Variants in CAMTA1 observed in about 807,000 individuals in gnomAD.
The protein encoded by CAMTA1 is calmodulin-binding transcription activator 1.
CAMTA1 carries 27 observed loss-of-function variants against 170.9 expected under a neutral mutation model. The observed-to-expected ratio is 0.16, with a 90% CI of 0.12 to 0.22. The LOEUF is 0.22. Among genes scored for constraint, CAMTA1 ranks in the 10% least tolerant of loss-of-function variants. The probability of loss-of-function intolerance (pLI) is 1.00; values close to 1 mark genes in which losing one functional copy is unlikely to be tolerated. For missense variants in CAMTA1, 1,619 were observed against 2,217.2 expected (o/e 0.73, Z 5.42); for synonymous variants, 833 against 891.5 (o/e 0.93, Z 1.17).
intron 4 of CAMTA1, among the ~76,000 whole-genome samples, chr1:7,167,455 A>G (rs1368650289): frequency 6.6e-6 from 1 of 152,002 alleles, no homozygotes; most frequent in African/African-American, 2.4e-5. Flanking sequence ...CAGTTTGTCT[A>G]TTCTTGTCTC....
intron 7 of CAMTA1, among the ~76,000 whole-genome samples, chr1:7,649,332 C>G (rs942809259): frequency 1.3e-5 from 2 of 152,222 alleles, no homozygotes; most frequent in African/African-American, 4.8e-5. Context: ...TCTGCGGGGC[C>G]TGGGAGTCAT....
intron 6 of CAMTA1, among the ~76,000 whole-genome samples, chr1:7,527,521 G>T (rs4908649): frequency 0.11 from 16,287 of 152,290 alleles, 1,394 homozygotes; most frequent in Admixed American, 0.24. Context: ...GCTGAGACCA[G>T]AGGCAAGAGT....
In CAMTA1 at chr1:7,570,108, T is replaced by A. The variant is rs1417647791; in HGVS notation, c.511-70292T>A. 6.6e-6 allele frequency among the ~76,000 whole-genome samples: 1 copy of A among 152,252 alleles called. No individual in the cohort carries two copies. Among genetic ancestry groups the A allele is most frequent in the African/African-American group, 2.4e-5 (1 of 41,470 alleles). The stretch of plus-strand genomic sequence containing the variant: ...AGGCCTTGGGGCCGTCTTGCTTAAT[T>A]CTACCGAGACCTTGGGTGGGAGATC... On this transcript the variant is annotated intron_variant, in intron 6 of 22. Transcript: ENST00000303635. The surrounding 1 kb of genome is among the most constrained non-coding windows in gnomAD (Gnocchi z 4.3).
At chr1:7,250,383 C>T (rs1019169832) in intron 5 of CAMTA1, among the ~76,000 whole-genome samples, 1 of 152,210 alleles carries the variant, frequency 6.6e-6, no homozygotes, top group Admixed American at 6.5e-5. Context: ...GCATCCACTT[C>T]CCTGCGTTCC....
At position 7,092,421 on chromosome 1, in the gene CAMTA1, G is replaced by A. The variant is rs372809000; in HGVS notation, c.302+1050G>A. Among the ~76,000 whole-genome samples, 14 of 152,272 alleles carry A rather than the reference G, an allele frequency of 9.2e-5. No homozygotes were observed. In the East Asian group the frequency reaches 2.3e-3, roughly 25 times the overall value. Reference sequence around the variant, plus strand: ...TTAAAATACCACATTATTAGGCTGAGATATTTACTGGTTAGCATCTTTTAG... The same window carrying A: ...TTAAAATACCACATTATTAGGCTGAAATATTTACTGGTTAGCATCTTTTAG... On this transcript the variant is annotated intron_variant, in intron 4 of 22. Coordinates refer to ENST00000303635, the MANE Select transcript of CAMTA1 (RefSeq NM_015215.4). This position sits in a 1 kb window ranked among gnomAD's most constrained non-coding sequence, Gnocchi z 5.0.
chr1:6,835,712 A>G (rs1652758523), intron 3 of CAMTA1, among the ~76,000 whole-genome samples: 1 of 152,188 alleles, frequency 6.6e-6, no homozygotes. Context: ...CATACCACTC[A>G]TGCATGTTTT....
intron 3 of CAMTA1, among the ~76,000 whole-genome samples, chr1:6,935,374 C>T (rs1486015448): frequency 6.6e-6 from 1 of 152,070 alleles, no homozygotes; most frequent in Non-Finnish European, 1.5e-5. Context: ...AGATTTATTA[C>T]CCTGGCACCT....
At chr1:6,928,204 T>C (rs1441594635) in intron 3 of CAMTA1, among the ~76,000 whole-genome samples, 2 of 152,230 alleles carry the variant, frequency 1.3e-5, no homozygotes, top group East Asian at 1.9e-4. Flanking sequence ...CTTTCAAGTC[T>C]GTGGCCACGC....
At chr1:7,497,961 G>C (rs1220925751) in intron 6 of CAMTA1, among the ~76,000 whole-genome samples, 1 of 152,192 alleles carries the variant, frequency 6.6e-6, no homozygotes, top group East Asian at 1.9e-4. Flanking sequence ...CTTGTCTGCT[G>C]GGCCTCACTC....
At chr1:6,852,959 C>G (rs1294366151) in intron 3 of CAMTA1, 4 of 123,602 alleles carry the variant, frequency 3.2e-5, no homozygotes. Flanking sequence ...ATCATAAACT[C>G]AGGTATGTCT....
In CAMTA1 at chr1:7,663,535, G is replaced by T; in HGVS notation, c.988G>T (p.Val330Leu). Residue 330 changes from valine to leucine, a missense_variant, in exon 9 of 23, where the codon GTG becomes TTG. Val to Leu is a conservative substitution (Grantham distance 32). Transcript: ENST00000303635. ...CAGCCGTGAGAAGAGGAACGGCAAG[G>T]TGGCCAAGCCCGTGCTCCTGCACCA... ...GSSREKRNGK[V>L]AKPVLLHQSS... 1.2e-6 allele frequency: 2 copies of T among 1,604,194 alleles called. No homozygotes were observed. The highest frequency in any genetic ancestry group is 1.7e-6 in the Non-Finnish European group (2 of 1,171,950).
Position 7,404,956 on chromosome 1 carries a change from G to GT in CAMTA1, c.439-62866dup, listed in dbSNP as rs546426290. Among the ~76,000 whole-genome samples the GT allele has an allele frequency of 3.6e-4, 55 of 151,756 alleles. No homozygotes were observed. The East Asian group carries it at 7.6e-3, about 21-fold the overall frequency. On this transcript the variant is annotated intron_variant, in intron 5 of 22. Coordinates refer to ENST00000303635, the MANE Select transcript of CAMTA1 (RefSeq NM_015215.4). The stretch of plus-strand genomic sequence containing the variant: ...TGTTTGTTTGTTTTTTCTGTTTTTT[G>GT]TTTTTTTTAGTATAACAATGACTTA...
In CAMTA1 at chr1:7,327,707, T is replaced by C. The variant is rs150049977; in HGVS notation, c.438+78081T>C. Among the ~76,000 whole-genome samples, 3 of 152,314 alleles carry C rather than the reference T, an allele frequency of 2.0e-5. No homozygotes were observed. In the East Asian group the frequency reaches 5.8e-4, roughly 29 times the overall value. ...ACAGCTCATGCATGGGAGGAGGGAC[T>C]GTTTATGTTTTCTCTCCATTCCACC... On this transcript the variant is annotated intron_variant, in intron 5 of 22. Transcript: ENST00000303635.
intron 6 of CAMTA1, among the ~76,000 whole-genome samples, chr1:7,563,693 T>C (rs1169872781): frequency 6.6e-6 from 1 of 152,238 alleles, no homozygotes; most frequent in Non-Finnish European, 1.5e-5. Context: ...CACAGCATTC[T>C]GGGACCACAC....
chr1:7,002,759 C>G (rs1698420231), intron 3 of CAMTA1, among the ~76,000 whole-genome samples: 1 of 152,182 alleles, frequency 6.6e-6, no homozygotes, highest in African/African-American at 2.4e-5. Context: ...CCTTTGCTGG[C>G]TGCCTTGCTG....
intron 5 of CAMTA1, among the ~76,000 whole-genome samples, chr1:7,457,070 ACCCG>A (rs1557746969): frequency 3.3e-5 from 1 of 30,508 alleles, no homozygotes; most frequent in East Asian, 1.0e-3. Context: ...CGTGCCCCTC[ACCCG>A]CCCCCTGCGC....
At chr1:6,904,724 G>C (rs572713389) in intron 3 of CAMTA1, among the ~76,000 whole-genome samples, 6 of 123,430 alleles carry the variant, frequency 4.9e-5, no homozygotes, top group African/African-American at 1.9e-4. Flanking sequence ...GCGCCACCAT[G>C]CCCAGCTAAT....
intron 5 of CAMTA1, among the ~76,000 whole-genome samples, chr1:7,422,198 G>A (rs1303470064): frequency 6.6e-6 from 1 of 152,110 alleles, no homozygotes; most frequent in Non-Finnish European, 1.5e-5. Context: ...ACATGCAGGC[G>A]TGGTCTCTGT....
chr1:7,736,797 TG>T lies in CAMTA1; in HGVS notation c.3264-131del. ...GCCAAATGGAGCGTCCACACTGCCCTGGGACTCTGTTTCTTCACCATGGGGA... is the reference window on the plus strand; with the variant it reads ...GCCAAATGGAGCGTCCACACTGCCCTGGACTCTGTTTCTTCACCATGGGGA... On this transcript the variant is annotated intron_variant, in intron 13 of 22. Transcript: ENST00000303635. This position sits in a 1 kb window ranked among gnomAD's most constrained non-coding sequence, Gnocchi z 4.5. 1.3e-6 allele frequency: 1 copy of T among 777,390 alleles called. No individual in the cohort carries two copies. The highest frequency in any genetic ancestry group is 2.2e-6 in the Non-Finnish European group (1 of 462,710). The allele number at this position is 777,390 out of a possible 1,614,324, so 48.2% of individuals were successfully genotyped here. A position where few individuals can be genotyped will look rare whatever the true frequency, so the allele number is the denominator to read the frequency against.
Sources: gnomAD v4.1 joint callset for allele counts (sites outside exome capture counted in the v4.1 genomes callset) on GRCh38, gnomAD v4.1.1 for gene constraint, Gnocchi (gnomAD v3.1) non-coding constraint, MANE v1.5 for transcripts, NCBI Gene and HGNC (gene_info 2026-07-23, HGNC 2026-07-21) for gene names.